EEPD1: variants seen among roughly 807,000 people sequenced by gnomAD.
EEPD1 encodes endonuclease/exonuclease/phosphatase family domain containing 1.
Under a neutral mutation model 46.3 loss-of-function variants are expected in EEPD1, and 17 were observed. The ratio of observed to expected loss-of-function variants is 0.37; its 90% CI spans 0.25 to 0.55. EEPD1 has a LOEUF of 0.55. Among genes scored for constraint, EEPD1 ranks in the 20% least tolerant of loss-of-function variants. The probability of loss-of-function intolerance (pLI) is 0.83; values close to 1 mark genes in which losing one functional copy is unlikely to be tolerated. For missense variants in EEPD1, 673 were observed against 745.6 expected (o/e 0.90, Z 1.13); for synonymous variants, 313 against 315.6 (o/e 0.99, Z 0.09).
intron 7 of EEPD1, among the ~76,000 whole-genome samples, chr7:36,298,710 C>T (rs1282023984): frequency 3.3e-5 from 5 of 152,156 alleles, no homozygotes; most frequent in African/African-American, 9.7e-5. Flanking sequence ...CACAGCAGCG[C>T]GTTTATGAGG....
intron 3 of EEPD1, among the ~76,000 whole-genome samples, chr7:36,256,043 T>C (rs964834747): frequency 6.6e-6 from 1 of 152,220 alleles, no homozygotes; most frequent in African/African-American, 2.4e-5. Context: ...CTCATTGGCT[T>C]CAAAGAACTT....
At chr7:36,183,548 G>A (rs1474318640) in intron 2 of EEPD1, among the ~76,000 whole-genome samples, 1 of 152,142 alleles carries the variant, frequency 6.6e-6, no homozygotes, top group Non-Finnish European at 1.5e-5. Flanking sequence ...GCTTTGTTCT[G>A]AATAACTATT....
At chr7:36,204,038 CTT>C (rs532419871) in intron 2 of EEPD1, among the ~76,000 whole-genome samples, 21 of 121,548 alleles carry the variant, frequency 1.7e-4, no homozygotes, top group Non-Finnish European at 1.4e-4. Flanking sequence ...TTTTCTTTTT[CTT>C]TTTTTTTTTT....
intron 3 of EEPD1, among the ~76,000 whole-genome samples, chr7:36,248,493 C>G (rs1786677057): frequency 6.6e-6 from 1 of 150,564 alleles, no homozygotes; most frequent in Non-Finnish European, 1.5e-5. Context: ...AGGCATGAGC[C>G]ACCACCCTCG....
At chr7:36,221,608 G>A (rs941128302) in intron 2 of EEPD1, among the ~76,000 whole-genome samples, 3 of 152,160 alleles carry the variant, frequency 2.0e-5, no homozygotes, top group African/African-American at 7.2e-5. Context: ...CAGGTTGTGG[G>A]TCAATCATTT....
intron 3 of EEPD1, among the ~76,000 whole-genome samples, chr7:36,255,300 G>C (rs1223820195): frequency 6.6e-6 from 1 of 152,092 alleles, no homozygotes; most frequent in Non-Finnish European, 1.5e-5. Context: ...AATCCATCTT[G>C]AGTTAATTTT....
At chr7:36,274,300 G>A (rs762089021) in intron 3 of EEPD1, among the ~76,000 whole-genome samples, 3 of 152,196 alleles carry the variant, frequency 2.0e-5, no homozygotes, top group Admixed American at 6.5e-5. Flanking sequence ...AGGAGAGCCA[G>A]GGCATGTACA....
At chr7:36,184,548 A>G (rs1785329599) in intron 2 of EEPD1, among the ~76,000 whole-genome samples, 1 of 152,196 alleles carries the variant, frequency 6.6e-6, no homozygotes, top group East Asian at 1.9e-4. Context: ...GGAGCAACCA[A>G]TCTCCATTTC....
chr7:36,202,332 C>G (rs932977351), intron 2 of EEPD1, among the ~76,000 whole-genome samples: 1 of 152,142 alleles, frequency 6.6e-6, no homozygotes, highest in African/African-American at 2.4e-5. Flanking sequence ...CAGCCAGGAC[C>G]TCTGTATGGG....
Position 36,297,039 on chromosome 7 carries a change from C to G in EEPD1, c.1362C>G (p.Asp454Glu), listed in dbSNP as rs1427133494. Residue 454 changes from aspartate (D) to glutamate (E), a missense_variant, in exon 7 of 8, where the codon GAC (aspartate) becomes GAG (glutamate). By Grantham distance (45) the Asp-to-Glu change is conservative. Transcript: ENST00000242108. ...TAGGGGATTTTGGCCAAGGGCCAGACAGCAATGACTATGATATCCTGAGGA... is the reference window on the plus strand; with the variant it reads ...TAGGGGATTTTGGCCAAGGGCCAGAGAGCAATGACTATGATATCCTGAGGA... ...IILGDFGQGP[D>E]SNDYDILRKE... 8 of 1,614,224 alleles carry G rather than the reference C, an allele frequency of 5.0e-6. No homozygotes were observed. Among genetic ancestry groups the G allele is most frequent in the Non-Finnish European group, 6.8e-6 (8 of 1,180,032 alleles).
intron 2 of EEPD1, among the ~76,000 whole-genome samples, chr7:36,235,767 G>C (rs747063976): frequency 3.9e-5 from 6 of 152,240 alleles, no homozygotes; most frequent in Admixed American, 1.3e-4. Context: ...ATTCCTCACA[G>C]TAAGTAGCTA....
In EEPD1 at chr7:36,287,639, G is replaced by C. The variant is rs765750856; in HGVS notation, c.1177G>C (p.Val393Leu). Residue 393 changes from valine to leucine, a missense_variant and splice_region_variant, in exon 6 of 8, where the codon GTG (valine) becomes CTG (leucine). Coordinates refer to ENST00000242108, the MANE Select transcript of EEPD1 (RefSeq NM_030636.3). ...TGTTGCTTTGTTTCCTGCTGCCTAG[G>C]TGGGAAGTCACGACCTGACCCTTGT... ...GPSPYLGRFK[V>L]GSHDLTLVNL... The C allele has an allele frequency of 3.3e-5, 54 of 1,613,396 alleles. No individual in the cohort carries two copies. Among genetic ancestry groups the C allele is most frequent in the Non-Finnish European group, 4.5e-5 (53 of 1,179,670 alleles).
intron 3 of EEPD1, among the ~76,000 whole-genome samples, chr7:36,266,987 G>C (rs1432598928): frequency 6.6e-6 from 1 of 152,142 alleles, no homozygotes; most frequent in Non-Finnish European, 1.5e-5. Flanking sequence ...GTGGACATTT[G>C]GGTCATTTCC....
At chr7:36,195,708 C>A (rs1785569089) in intron 2 of EEPD1, among the ~76,000 whole-genome samples, 1 of 151,952 alleles carries the variant, frequency 6.6e-6, no homozygotes, top group South Asian at 2.1e-4. Context: ...TAGAGAATAA[C>A]AATGTATTCT....
chr7:36,295,704 C>CA (rs1787511693), intron 6 of EEPD1, among the ~76,000 whole-genome samples: 1 of 152,114 alleles, frequency 6.6e-6, no homozygotes, highest in Non-Finnish European at 1.5e-5. Flanking sequence ...TAACAATGGC[C>CA]ATAGTTTTTC....
chr7:36,264,620 G>A (rs906347158), intron 3 of EEPD1, among the ~76,000 whole-genome samples: 2 of 152,172 alleles, frequency 1.3e-5, no homozygotes, highest in African/African-American at 4.8e-5. Context: ...TTTGATTTTT[G>A]TAACCTGTCT....
At chr7:36,266,938 C>T (rs1424266139) in intron 3 of EEPD1, among the ~76,000 whole-genome samples, 1 of 152,220 alleles carries the variant, frequency 6.6e-6, no homozygotes, top group African/African-American at 2.4e-5. Flanking sequence ...TACTTTCTTG[C>T]ATGAATATAC....
In EEPD1 at chr7:36,155,154, A is replaced by G. The variant is rs759264914; in HGVS notation, c.830A>G (p.Asn277Ser). The G allele has an allele frequency of 1.3e-6, 2 of 1,525,480 alleles. No individual in the cohort carries two copies. The highest frequency in any genetic ancestry group is 8.8e-7 in the Non-Finnish European group (1 of 1,138,084). 94.5% of individuals were successfully genotyped at this position (1,525,480 alleles called of 1,614,324 possible). The change falls in exon 2 of 8, where the codon AAC becomes AGC. Residue 277 changes from asparagine (N) to serine (S), a missense_variant. Physicochemically the swap from Asn to Ser is conservative, Grantham distance 46. Transcript: ENST00000242108. ...NLQGCSVEKA[N>S]NPGVREVVCM... ...CAGGGCTGTTCCGTGGAGAAGGCCAACAACCCCGGGGTGCGAGAGGTGGTG... is the reference window on the plus strand; with the variant it reads ...CAGGGCTGTTCCGTGGAGAAGGCCAGCAACCCCGGGGTGCGAGAGGTGGTG...
chr7:36,248,198 A>G (rs1786671279), intron 3 of EEPD1, among the ~76,000 whole-genome samples: 1 of 151,006 alleles, frequency 6.6e-6, no homozygotes, highest in Admixed American at 6.6e-5. Context: ...AAATATATAT[A>G]CTTTAAGATA....
Sources: allele counts gnomAD v4.1 joint callset (sites outside exome capture counted in the v4.1 genomes callset), GRCh38; gene constraint gnomAD v4.1.1; transcripts MANE v1.5; gene names NCBI Gene and HGNC (gene_info 2026-07-23, HGNC 2026-07-21).